The following NCAM1 variants were observed in gnomAD, a reference collection of about 807,000 sequenced individuals.
NCAM1 encodes the protein neural cell adhesion molecule 1.
A neutral mutation model predicts 109.8 loss-of-function variants in NCAM1; 14 were observed. The observed-to-expected ratio is 0.13, with a 90% CI of 0.08 to 0.20. NCAM1 has a LOEUF of 0.20. Among genes scored for constraint, NCAM1 ranks in the 10% least tolerant of loss-of-function variants. The probability of loss-of-function intolerance (pLI) is 1.00; values close to 1 mark genes in which losing one functional copy is unlikely to be tolerated. For missense variants in NCAM1, 774 were observed against 1,109.9 expected (o/e 0.70, Z 4.30); for synonymous variants, 418 against 442.9 (o/e 0.94, Z 0.70).
Position 113,275,406 on chromosome 11 carries a change from C to CA in NCAM1, c.*22dup. 1.2e-6 allele frequency: 2 copies of CA among 1,606,352 alleles called. No homozygotes were observed. Among genetic ancestry groups the CA allele is most frequent in the Non-Finnish European group, 1.7e-6 (2 of 1,176,262 alleles). Reference sequence around the variant, plus strand: ...AGCATGATGGGTGAAGAGAACCGAGCAAAGATCAAAATAAAAAGTGACACA... The same window carrying CA: ...AGCATGATGGGTGAAGAGAACCGAGCAAAAGATCAAAATAAAAAGTGACACA... On this transcript the variant is annotated 3_prime_UTR_variant, in exon 20 of 20. Coordinates refer to ENST00000316851, the MANE Select transcript of NCAM1 (RefSeq NM_181351.5).
chr11:113,230,238 T>G (rs118000040), intron 9 of NCAM1, among the ~76,000 whole-genome samples: 3,214 of 152,260 alleles, frequency 0.021, 192 homozygotes, highest in Admixed American at 0.11. Context: ...ATGTGTGGCA[T>G]CTCCTGGGAT....
intron 1 of NCAM1, among the ~76,000 whole-genome samples, chr11:112,995,246 A>G (rs1359325128): frequency 6.6e-5 from 10 of 152,214 alleles, no homozygotes; most frequent in Non-Finnish European, 1.5e-4. Flanking sequence ...AATGAGATTT[A>G]TGGTGGATTT....
intron 14 of NCAM1, among the ~76,000 whole-genome samples, chr11:113,239,754 C>G (rs1404027303): frequency 1.3e-5 from 2 of 152,162 alleles, no homozygotes; most frequent in African/African-American, 2.4e-5. Context: ...CCTGAATTAA[C>G]CAGACCATCC....
Position 113,273,031 on chromosome 11 carries a change from C to A in NCAM1, c.2456+1155C>A. 1 of 456,936 alleles carries A rather than the reference C, an allele frequency of 2.2e-6. No individual in the cohort carries two copies. Among genetic ancestry groups the A allele is most frequent in the Middle Eastern group, 3.3e-4 (1 of 3,076 alleles). 28.3% of individuals were successfully genotyped at this position (456,936 alleles called of 1,614,324 possible). ...ACTATCACCGAAACCTTTGCCACTGCTCAGAACAGCCCCACCAGTGAGACC... is the reference window on the plus strand; with the variant it reads ...ACTATCACCGAAACCTTTGCCACTGATCAGAACAGCCCCACCAGTGAGACC... On this transcript the variant is annotated intron_variant, in intron 19 of 19. Coordinates refer to ENST00000316851, the MANE Select transcript of NCAM1 (RefSeq NM_181351.5). This position sits in a 1 kb window ranked among gnomAD's most constrained non-coding sequence, Gnocchi z 6.0.
chr11:113,050,746 G>A (rs1174855918), intron 1 of NCAM1, among the ~76,000 whole-genome samples: 1 of 152,106 alleles, frequency 6.6e-6, no homozygotes, highest in Admixed American at 6.5e-5. Context: ...TTAAACTTGG[G>A]TTAATGAGCA....
intron 1 of NCAM1, among the ~76,000 whole-genome samples, chr11:112,987,226 T>C (rs1305205150): frequency 1.3e-5 from 2 of 152,210 alleles, no homozygotes; most frequent in Non-Finnish European, 2.9e-5. Context: ...GTTTTTGATT[T>C]CTGGTTTCAT....
At chr11:113,191,642 A>G (rs1237680632) in intron 1 of NCAM1, among the ~76,000 whole-genome samples, 1 of 152,128 alleles carries the variant, frequency 6.6e-6, no homozygotes, top group African/African-American at 2.4e-5. Context: ...TACCTATCTT[A>G]TAGGATTGTT....
intron 1 of NCAM1, among the ~76,000 whole-genome samples, chr11:112,971,230 C>G (rs1409856852): frequency 3.3e-5 from 5 of 149,394 alleles, no homozygotes; most frequent in South Asian, 2.1e-4. Flanking sequence ...TTCAATTTCT[C>G]TCTCTCTCTC....
At chr11:113,072,937 C>T (rs1484220239) in intron 1 of NCAM1, among the ~76,000 whole-genome samples, 1 of 151,684 alleles carries the variant, frequency 6.6e-6, no homozygotes, top group Non-Finnish European at 1.5e-5. Flanking sequence ...TGTTGTACAA[C>T]TCCCATCACT....
At chr11:113,157,760 CA>C (rs1389903897) in intron 1 of NCAM1, among the ~76,000 whole-genome samples, 1 of 151,950 alleles carries the variant, frequency 6.6e-6, no homozygotes, top group African/African-American at 2.4e-5. Context: ...TTTTTCAAAA[CA>C]AAAAGTATCA....
chr11:113,215,766 G>T (rs574695018), intron 8 of NCAM1, among the ~76,000 whole-genome samples: 288 of 152,332 alleles, frequency 1.9e-3, no homozygotes, highest in Non-Finnish European at 3.3e-3. Flanking sequence ...GTGAAAACCA[G>T]CTAGATTAAG....
intron 1 of NCAM1, among the ~76,000 whole-genome samples, chr11:112,980,959 G>A (rs1202175892): frequency 6.6e-6 from 1 of 151,756 alleles, no homozygotes; most frequent in Non-Finnish European, 1.5e-5. Context: ...TGTTTCTGCC[G>A]GTCTTCTAGG....
intron 9 of NCAM1, among the ~76,000 whole-genome samples, chr11:113,224,585 G>A (rs1944781991): frequency 6.6e-6 from 1 of 152,230 alleles, no homozygotes; most frequent in Admixed American, 6.5e-5. Context: ...GAAGACAGCA[G>A]TGGTTCTCCC....
chr11:113,219,073 T>C (rs1944612924), intron 8 of NCAM1, among the ~76,000 whole-genome samples: 2 of 152,182 alleles, frequency 1.3e-5, no homozygotes, highest in African/African-American at 4.8e-5. Context: ...TCTTTGAACA[T>C]CTCTATGCCT....
At chr11:113,113,280 G>A (rs1171316512) in intron 1 of NCAM1, among the ~76,000 whole-genome samples, 2 of 152,120 alleles carry the variant, frequency 1.3e-5, no homozygotes, top group Admixed American at 1.3e-4. Flanking sequence ...AGATTATTTT[G>A]GGGGGTGGTT....
intron 7 of NCAM1, among the ~76,000 whole-genome samples, chr11:113,211,485 T>G (rs1944390406): frequency 1.3e-5 from 2 of 152,260 alleles, no homozygotes; most frequent in Non-Finnish European, 2.9e-5. Context: ...ATGCTCCTTT[T>G]ACTAAGTAGA....
At chr11:113,263,066 A>T in intron 17 of NCAM1, 1 of 1,410,678 alleles carries the variant, frequency 7.1e-7, no homozygotes, top group East Asian at 2.6e-5. Flanking sequence ...AGGTTTTGTG[A>T]TTGGAAAAAG....
chr11:113,192,687 A>G (rs1169105561), intron 1 of NCAM1, among the ~76,000 whole-genome samples: 1 of 152,190 alleles, frequency 6.6e-6, no homozygotes, highest in African/African-American at 2.4e-5. Context: ...CAAAAAGAAA[A>G]TGAGACACAG....
In NCAM1 at chr11:113,232,345, C is replaced by A; in HGVS notation, c.1416C>A (p.Ser472Arg). 1 of 1,608,650 alleles carries A rather than the reference C, an allele frequency of 6.2e-7. No individual in the cohort carries two copies. ...AGATCTACAACACCCCCTCTGCCAGCTATCTGGAGGTGAGTCAGGATGGGG... is the reference window on the plus strand; with the variant it reads ...AGATCTACAACACCCCCTCTGCCAGATATCTGGAGGTGAGTCAGGATGGGG... ...NIKIYNTPSA[S>R]YLEVTPDSEN... is the part of the protein sequence containing the mutation. Residue 472 changes from serine to arginine, a missense_variant, in exon 11 of 20, where the codon AGC (serine) becomes AGA (arginine). This residue lies in a region of NCAM1 where 523 missense variants were observed against 784.2 expected (regional missense o/e 0.67). Coordinates refer to ENST00000316851, the MANE Select transcript of NCAM1 (RefSeq NM_181351.5).
Sources: allele counts gnomAD v4.1 joint callset (sites outside exome capture counted in the v4.1 genomes callset), GRCh38; gene constraint gnomAD v4.1.1; regional missense constraint gnomAD v4.1.1; non-coding constraint Gnocchi (gnomAD v3.1); transcripts MANE v1.5; gene names NCBI Gene and HGNC (gene_info 2026-07-23, HGNC 2026-07-21).